Variants in BARD1 observed in about 807,000 individuals in gnomAD.
BARD1 encodes BRCA1 associated RING domain 1.
Under a neutral mutation model 77.0 loss-of-function variants are expected in BARD1, and 73 were observed. That is an observed-to-expected ratio of 0.95 (90% confidence interval 0.79 to 1.15). The LOEUF is 1.15. BARD1 is among the 50% of genes most tolerant of loss of function. The pLI, the probability that BARD1 is intolerant of heterozygous loss-of-function variation, is 0.00. For missense variants in BARD1, 993 were observed against 938.8 expected (o/e 1.06, Z -0.75); for synonymous variants, 384 against 338.0 (o/e 1.14, Z -1.49).
rs756988806 is a variant in BARD1 at position 214,786,252 on chromosome 2, ATT to A, written c.365-4745_365-4744del. On this transcript the variant is annotated intron_variant, in intron 3 of 10. Transcript: ENST00000260947. ...ACTTAAGAGATACAACATTATTTTC[ATT>A]TTCTTACGTTTTGGGGAATAAATTT... 3.3e-4 allele frequency among the ~76,000 whole-genome samples: 50 copies of A among 150,928 alleles called. 2 individuals are homozygous for A. The highest frequency in any genetic ancestry group is 6.2e-4 in the Non-Finnish European group (42 of 67,912).
rs1213862684 is a variant in BARD1, at chr2:214,809,680, G to T, written c.-111C>A. On this transcript the variant is annotated 5_prime_UTR_variant, in exon 1 of 11. Coordinates refer to ENST00000260947, the MANE Select transcript of BARD1 (RefSeq NM_000465.4). The stretch of plus-strand genomic sequence containing the variant: ...TCGAAACCGGCCAAGCTCTTCCCGC[G>T]TCTGGGACGGCGGGCCGCCAGAGGG... 7 of 1,416,756 alleles carry T rather than the reference G, an allele frequency of 4.9e-6. No homozygotes were observed. The Admixed American group carries it at 1.0e-4, about 21-fold the overall frequency. The allele number at this position is 1,416,756 out of a possible 1,614,324, so 87.8% of individuals were successfully genotyped here.
chr2:214,739,595 T>C (rs1448136860), intron 9 of BARD1, among the ~76,000 whole-genome samples: 6 of 152,186 alleles, frequency 3.9e-5, no homozygotes, highest in African/African-American at 1.4e-4. Flanking sequence ...ACTGCAATTT[T>C]TGGAAAACTT....
chr2:214,747,754 C>T (rs1246610860), intron 7 of BARD1, among the ~76,000 whole-genome samples: 2 of 148,090 alleles, frequency 1.4e-5, no homozygotes, highest in African/African-American at 2.5e-5. Flanking sequence ...ATACCTAATG[C>T]TAAATGACGA....
intron 7 of BARD1, among the ~76,000 whole-genome samples, chr2:214,751,979 T>G (rs942668810): frequency 6.6e-6 from 1 of 152,146 alleles, no homozygotes; most frequent in Non-Finnish European, 1.5e-5. Context: ...ACTTCAACAT[T>G]CAGGCTTCAA....
chr2:214,772,522 T>C (rs111440192), intron 4 of BARD1, among the ~76,000 whole-genome samples: 46 of 152,232 alleles, frequency 3.0e-4, no homozygotes, highest in African/African-American at 9.9e-4. Context: ...CTCAAGGGAA[T>C]AGTCAAACAG....
chr2:214,785,432 C>T (rs901503014), intron 3 of BARD1, among the ~76,000 whole-genome samples: 2 of 152,004 alleles, frequency 1.3e-5, no homozygotes, highest in African/African-American at 4.8e-5. Flanking sequence ...ATCAACCCAG[C>T]TCAGCCCAGC....
intron 6 of BARD1, among the ~76,000 whole-genome samples, chr2:214,761,474 A>G (rs1693961397): frequency 6.6e-6 from 1 of 152,152 alleles, no homozygotes; most frequent in Non-Finnish European, 1.5e-5. Flanking sequence ...CACAACACCA[A>G]GTCAAGGTTA....
At chr2:214,797,922 A>C (rs1201598918) in intron 1 of BARD1, among the ~76,000 whole-genome samples, 1 of 152,172 alleles carries the variant, frequency 6.6e-6, no homozygotes, top group African/African-American at 2.4e-5. Flanking sequence ...ACATTTGTTA[A>C]TCCTAACAAA....
At chr2:214,730,218 C>T in intron 10 of BARD1, 193 bp downstream of exon 10, 1 of 598,406 alleles carries the variant, frequency 1.7e-6, no homozygotes, top group Non-Finnish European at 3.0e-6. Context: ...AATCCATTAA[C>T]AGTATGAAAT....
chr2:214,796,485 G>A (rs1695759037), intron 2 of BARD1, among the ~76,000 whole-genome samples: 3 of 152,190 alleles, frequency 2.0e-5, no homozygotes, highest in African/African-American at 7.2e-5. Context: ...GTACATGAAA[G>A]CAAAGACCAG....
intron 7 of BARD1, 85 bp from the exon 8 acceptor site, chr2:214,745,939 T>G (rs1470030752): frequency 7.0e-7 from 1 of 1,427,126 alleles, no homozygotes; most frequent in Non-Finnish European, 9.8e-7. Context: ...TGATATAAGC[T>G]TGAATTTCAT....
At chr2:214,783,774 T>C (rs894885595) in intron 3 of BARD1, among the ~76,000 whole-genome samples, 3 of 152,102 alleles carry the variant, frequency 2.0e-5, no homozygotes, top group Non-Finnish European at 4.4e-5. Flanking sequence ...GGGGAAAGGA[T>C]TCCCTATTTA....
chr2:214,755,907 C>T lies in BARD1; in HGVS notation c.1569-3352G>A, dbSNP rs182135199. 1.5e-3 allele frequency among the ~76,000 whole-genome samples: 226 copies of T among 152,178 alleles called. 1 individual carries two copies. Among genetic ancestry groups the T allele is most frequent in the African/African-American group, 5.2e-3 (216 of 41,500 alleles). On this transcript the variant is annotated intron_variant, in intron 6 of 10. Coordinates refer to ENST00000260947, the MANE Select transcript of BARD1 (RefSeq NM_000465.4). ...ACTATTTTGGAATATATGAAAATGT[C>T]GAGATCTTAACTGCTGAATTTACAT...
At chr2:214,775,818 G>A (rs1317543055) in intron 4 of BARD1, among the ~76,000 whole-genome samples, 1 of 152,122 alleles carries the variant, frequency 6.6e-6, no homozygotes, top group Admixed American at 6.5e-5. Context: ...AATAGATACT[G>A]ACTCCAGGAG....
intron 4 of BARD1, among the ~76,000 whole-genome samples, chr2:214,769,731 ACTCCGT>A (rs1694388297): frequency 3.3e-5 from 5 of 152,110 alleles, no homozygotes; most frequent in African/African-American, 9.6e-5. Context: ...ACAGAGCAAG[ACTCCGT>A]CTCAAAAAAA....
At chr2:214,758,613 T>G (rs1027023057) in intron 6 of BARD1, among the ~76,000 whole-genome samples, 1 of 152,210 alleles carries the variant, frequency 6.6e-6, no homozygotes, top group Admixed American at 6.5e-5. Context: ...TGTGGCACTA[T>G]CTAAAGAGTA....
At chr2:214,772,094 G>C (rs1389934397) in intron 4 of BARD1, among the ~76,000 whole-genome samples, 1 of 152,000 alleles carries the variant, frequency 6.6e-6, no homozygotes, top group Non-Finnish European at 1.5e-5. Flanking sequence ...AGCCTCAGCA[G>C]TATGCTACTG....
At position 214,809,623 on chromosome 2, in the gene BARD1, G is replaced by A. The variant is rs1007116803; in HGVS notation, c.-54C>T. 7 of 1,520,896 alleles carry A rather than the reference G, an allele frequency of 4.6e-6. No homozygotes were observed. The highest frequency in any genetic ancestry group is 5.3e-6 in the Non-Finnish European group (6 of 1,135,424). The allele number at this position is 1,520,896 out of a possible 1,614,324, so 94.2% of individuals were successfully genotyped here. A position where few individuals can be genotyped will look rare whatever the true frequency, so the allele number is the denominator to read the frequency against. ...GCAGAGCGGGAAGCAAGGAAGCCTC[G>A]GGAAACCACAGGGAAGCTGCAGGCC... On this transcript the variant is annotated 5_prime_UTR_variant, in exon 1 of 11. Coordinates refer to ENST00000260947, the MANE Select transcript of BARD1 (RefSeq NM_000465.4).
chr2:214,746,870 T>C (rs1240403571), intron 7 of BARD1, among the ~76,000 whole-genome samples: 1 of 152,032 alleles, frequency 6.6e-6, no homozygotes, highest in Non-Finnish European at 1.5e-5. Context: ...CTCATTAAAC[T>C]AAAGAGCTTC....
Sources: allele counts gnomAD v4.1 joint callset (sites outside exome capture counted in the v4.1 genomes callset), GRCh38; gene constraint gnomAD v4.1.1; transcripts MANE v1.5; gene names NCBI Gene and HGNC (gene_info 2026-07-23, HGNC 2026-07-21).